The following PCDHGB1 variants were observed in gnomAD, a reference collection of about 807,000 sequenced individuals.
PCDHGB1 encodes protocadherin gamma-B1.
Under a neutral mutation model 56.6 loss-of-function variants are expected in PCDHGB1, and 34 were observed. The observed-to-expected ratio is 0.60, with a 90% CI of 0.46 to 0.80. The LOEUF (loss-of-function observed/expected upper bound fraction) is 0.80. Among genes scored for constraint, PCDHGB1 ranks in the 30% least tolerant of loss-of-function variants. The probability of loss-of-function intolerance (pLI) is 0.00; values close to 1 mark genes in which losing one functional copy is unlikely to be tolerated. For synonymous variants in PCDHGB1, 561 were observed against 505.9 expected (o/e 1.11, Z -1.46); for missense variants, 1,278 against 1,204.6 (o/e 1.06, Z -0.90).
Position 141,485,668 on chromosome 5 carries a change from T to C in PCDHGB1, c.2410-9139T>C. 6.2e-7 allele frequency: 1 copy of C among 1,612,698 alleles called. No homozygotes were observed. The highest frequency in any genetic ancestry group is 1.3e-5 in the African/African-American group (1 of 74,972). ...CTCAGGATGCAGATGTGGGGAGCAA[T>C]TCGATTAGCAGCTATAGGCTGAGCT... On this transcript the variant is annotated intron_variant, in intron 1 of 3. Transcript: ENST00000523390. The surrounding 1 kb of genome is among the most constrained non-coding windows in gnomAD (Gnocchi z 5.7).
intron 1 of PCDHGB1, chr5:141,366,985 G>T: frequency 8.1e-6 from 4 of 493,386 alleles, no homozygotes; most frequent in Non-Finnish European, 1.4e-5. Flanking sequence ...AAAGGAAAGT[G>T]GTTAAATATA....
intron 1 of PCDHGB1, among the ~76,000 whole-genome samples, chr5:141,381,821 TTC>T (rs1354203071): frequency 5.5e-5 from 7 of 126,128 alleles, no homozygotes; most frequent in African/African-American, 2.4e-4. Context: ...TCTTTCTTTC[TTC>T]TTCTTTTTTT....
At chr5:141,444,865 G>A (rs1038923777) in intron 1 of PCDHGB1, among the ~76,000 whole-genome samples, 1 of 152,098 alleles carries the variant, frequency 6.6e-6, no homozygotes, top group Non-Finnish European at 1.5e-5. Flanking sequence ...TCTTACTACA[G>A]GACAAAGCTT....
At chr5:141,422,636 C>T in intron 1 of PCDHGB1, 3 of 1,612,584 alleles carry the variant, frequency 1.9e-6, no homozygotes, top group Non-Finnish European at 2.5e-6. Context: ...CCCAGGGGTG[C>T]CTCCATCTTC....
chr5:141,455,738 A>G (rs896060095), intron 1 of PCDHGB1, among the ~76,000 whole-genome samples: 2 of 152,140 alleles, frequency 1.3e-5, no homozygotes, highest in Non-Finnish European at 2.9e-5. Flanking sequence ...TTGCATATCA[A>G]AGGTTGCTGG....
At chr5:141,400,235 T>TGATTCTGGCCGTTGCC in intron 1 of PCDHGB1, 1 of 1,614,006 alleles carries the variant, frequency 6.2e-7, no homozygotes, top group East Asian at 2.2e-5. Flanking sequence ...CTCCTGGCCG[T>TGATTCTGGCCGTTGCC]GATTCTGGCC....
Position 141,364,472 on chromosome 5 carries a change from A to C in PCDHGB1, c.2409+11803A>C, listed in dbSNP as rs375080558. On this transcript the variant is annotated intron_variant, in intron 1 of 3. Transcript: ENST00000523390. ...GGACAAAGGCTCCTTCGTCGGCAAC[A>C]TAGCCAAGGACCTTGGGCTGGAGCC... The C allele has an allele frequency of 6.8e-6, 11 of 1,614,038 alleles. 1 individual carries two copies. Among genetic ancestry groups the C allele is most frequent in the Middle Eastern group, 1.7e-4 (1 of 6,056 alleles).
chr5:141,478,143 A>T (rs759384540), intron 1 of PCDHGB1: 1 of 1,614,014 alleles, frequency 6.2e-7, no homozygotes, highest in Non-Finnish European at 8.5e-7. Flanking sequence ...GCCCGAGCCG[A>T]GTTCCCCTCT....
chr5:141,370,282 G>A, intron 1 of PCDHGB1: 2 of 938,864 alleles, frequency 2.1e-6, no homozygotes, highest in South Asian at 3.9e-5. Context: ...ACACCCATTA[G>A]AGAACCCAAG....
rs532490777 is a variant in PCDHGB1, at chr5:141,487,782, T to C, written c.2410-7025T>C. 7.2e-6 allele frequency: 11 copies of C among 1,525,744 alleles called. No homozygotes were observed. The South Asian group carries it at 1.2e-4, about 17-fold the overall frequency. The allele number at this position is 1,525,744 out of a possible 1,614,324, so 94.5% of individuals were successfully genotyped here. ...GACGCTGTGCTTTGTAACTGTTTCGTGAATTAACCAGAGTTGTCACAGTTT... is the reference window on the plus strand; with the variant it reads ...GACGCTGTGCTTTGTAACTGTTTCGCGAATTAACCAGAGTTGTCACAGTTT... On this transcript the variant is annotated intron_variant, in intron 1 of 3. Coordinates refer to ENST00000523390, the MANE Select transcript of PCDHGB1 (RefSeq NM_018922.3). This position sits in a 1 kb window ranked among gnomAD's most constrained non-coding sequence, Gnocchi z 5.0.
At chr5:141,372,062 C>G (rs1768364404) in intron 1 of PCDHGB1, 2 of 1,613,470 alleles carry the variant, frequency 1.2e-6, no homozygotes, top group South Asian at 2.2e-5. Flanking sequence ...ACGACCGCAA[C>G]GACAATGCAC....
intron 1 of PCDHGB1, chr5:141,360,620 T>C (rs759358436): frequency 1.2e-6 from 2 of 1,614,026 alleles, no homozygotes; most frequent in Non-Finnish European, 1.7e-6. Flanking sequence ...GATTCAGATG[T>C]TGGTCCTAAC....
chr5:141,375,730 C>G (rs763067110), intron 1 of PCDHGB1: 3 of 1,614,266 alleles, frequency 1.9e-6, no homozygotes, highest in Non-Finnish European at 2.5e-6. Context: ...TGTCACTGAG[C>G]CTGTTTGTGC....
chr5:141,357,066 C>A, intron 1 of PCDHGB1: 1 of 1,613,984 alleles, frequency 6.2e-7, no homozygotes. Flanking sequence ...TGGGGCTGCA[C>A]ACAGGCGAGG....
intron 1 of PCDHGB1, chr5:141,393,092 G>A (rs2092676024): frequency 6.2e-7 from 1 of 1,613,644 alleles, no homozygotes; most frequent in Non-Finnish European, 8.5e-7. Flanking sequence ...TAGATCGGGA[G>A]GAGCTCTGCG....
chr5:141,395,148 C>T (rs1288484224), intron 1 of PCDHGB1: 19 of 1,614,078 alleles, frequency 1.2e-5, no homozygotes, highest in Non-Finnish European at 1.6e-5. Context: ...CGCAGACATG[C>T]TCATCAGTCA....
rs1302496204 is a variant in PCDHGB1, at chr5:141,413,214, T to A, written c.2409+60545T>A. On this transcript the variant is annotated intron_variant, in intron 1 of 3. Coordinates refer to ENST00000523390, the MANE Select transcript of PCDHGB1 (RefSeq NM_018922.3). ...GGAATCGCTCAAAGGAATCAAAGGA[T>A]TGCAGCGGGCTGGTCCTGCTCTGCC... 6 of 1,613,176 alleles carry A rather than the reference T, an allele frequency of 3.7e-6. No homozygotes were observed. The African/African-American group carries it at 8.0e-5, about 22-fold the overall frequency.
Position 141,476,104 on chromosome 5 carries a change from G to A in PCDHGB1, c.2410-18703G>A. 6.3e-7 allele frequency: 1 copy of A among 1,584,700 alleles called. No homozygotes were observed. Among genetic ancestry groups the A allele is most frequent in the Non-Finnish European group, 8.6e-7 (1 of 1,168,500 alleles). On this transcript the variant is annotated intron_variant, in intron 1 of 3. Coordinates refer to ENST00000523390, the MANE Select transcript of PCDHGB1 (RefSeq NM_018922.3). The surrounding 1 kb of genome is among the most constrained non-coding windows in gnomAD (Gnocchi z 7.6). ...GATCTGGACCCCGCTGAGAGGAACTGCTTTTGAGTGAGATGGTCCCAGAGG... is the reference window on the plus strand; with the variant it reads ...GATCTGGACCCCGCTGAGAGGAACTACTTTTGAGTGAGATGGTCCCAGAGG...
At chr5:141,492,606 C>G (rs1019615566) in intron 1 of PCDHGB1, among the ~76,000 whole-genome samples, 3 of 152,232 alleles carry the variant, frequency 2.0e-5, no homozygotes, top group African/African-American at 7.2e-5. Flanking sequence ...GACTGCCGCT[C>G]TAAGTGCCGG....
Sources: gnomAD v4.1 joint callset for allele counts (sites outside exome capture counted in the v4.1 genomes callset) on GRCh38, gnomAD v4.1.1 for gene constraint, Gnocchi (gnomAD v3.1) non-coding constraint, MANE v1.5 for transcripts, NCBI Gene and HGNC (gene_info 2026-07-23, HGNC 2026-07-21) for gene names.